Variants in FRMD4A observed in about 807,000 individuals in gnomAD.
FRMD4A encodes the protein FERM domain containing 4A, also known as FERM domain-containing protein 4A.
A neutral mutation model predicts 129.1 loss-of-function variants in FRMD4A; 29 were observed. The ratio of observed to expected loss-of-function variants is 0.22; its 90% CI spans 0.17 to 0.31. The LOEUF (loss-of-function observed/expected upper bound fraction) is 0.31. Among genes scored for constraint, FRMD4A ranks in the 10% least tolerant of loss-of-function variants. The pLI is 1.00. For missense variants in FRMD4A, 1,272 were observed against 1,375.8 expected, an observed-to-expected ratio of 0.92 and a Z score of 1.19; for synonymous variants, 634 against 571.6, an observed-to-expected ratio of 1.11 and a Z score of -1.56.
intron 2 of FRMD4A, among the ~76,000 whole-genome samples, chr10:13,890,203 C>T (rs1490331866): frequency 1.3e-5 from 2 of 152,228 alleles, no homozygotes; most frequent in Non-Finnish European, 2.9e-5. Flanking sequence ...TACGAATGGG[C>T]TTGATACAAT....
intron 2 of FRMD4A, among the ~76,000 whole-genome samples, chr10:14,189,764 C>T (rs1788355112): frequency 6.6e-6 from 1 of 152,174 alleles, no homozygotes; most frequent in South Asian, 2.1e-4. Context: ...AAACTTCTGA[C>T]TGCCACTGAA....
chr10:13,848,262 AAAC>A (rs1415242710), intron 3 of FRMD4A, among the ~76,000 whole-genome samples: 1 of 152,288 alleles, frequency 6.6e-6, no homozygotes, highest in Admixed American at 6.5e-5. Context: ...GTAGTAAAAG[AAAC>A]AACCACCTGC....
chr10:13,826,986 A>G (rs960063511), intron 3 of FRMD4A, among the ~76,000 whole-genome samples: 1 of 152,172 alleles, frequency 6.6e-6, no homozygotes, highest in South Asian at 2.1e-4. Flanking sequence ...TGAAAATATT[A>G]ATTTATTCTA....
At chr10:14,203,414 C>T (rs1431808290) in intron 2 of FRMD4A, among the ~76,000 whole-genome samples, 1 of 152,116 alleles carries the variant, frequency 6.6e-6, no homozygotes, top group Admixed American at 6.6e-5. Flanking sequence ...ACACTCATGA[C>T]AGGGCACATC....
chr10:14,039,364 GTCCGTCCA>G (rs1178110445), intron 2 of FRMD4A, among the ~76,000 whole-genome samples: 1 of 108,172 alleles, frequency 9.2e-6, no homozygotes, highest in African/African-American at 4.1e-5. Context: ...TGATCTGTCC[GTCCGTCCA>G]TCCATCCATC....
intron 2 of FRMD4A, among the ~76,000 whole-genome samples, chr10:14,234,610 G>A (rs1283639132): frequency 6.6e-6 from 1 of 152,222 alleles, no homozygotes; most frequent in Non-Finnish European, 1.5e-5. Context: ...AGTCTTCTGT[G>A]ACTATGGTCT....
chr10:14,073,833 A>C (rs1012185318), intron 2 of FRMD4A, among the ~76,000 whole-genome samples: 2 of 152,114 alleles, frequency 1.3e-5, no homozygotes, highest in African/African-American at 4.8e-5. Flanking sequence ...TAAATTTTGC[A>C]TAGGGCGGTG....
At chr10:14,171,214 C>G (rs773128869) in intron 2 of FRMD4A, among the ~76,000 whole-genome samples, 100 of 152,136 alleles carry the variant, frequency 6.6e-4, no homozygotes, top group Non-Finnish European at 1.2e-3. Context: ...CCTTCTCTCT[C>G]TCTCTTTTTT....
chr10:14,170,550 G>A (rs1589121009), intron 2 of FRMD4A, among the ~76,000 whole-genome samples: 1 of 152,138 alleles, frequency 6.6e-6, no homozygotes, highest in African/African-American at 2.4e-5. Flanking sequence ...ACCAACGCTG[G>A]GAAGTTAGGT....
At chr10:14,187,668 C>A (rs561621729) in intron 2 of FRMD4A, among the ~76,000 whole-genome samples, 3 of 152,254 alleles carry the variant, frequency 2.0e-5, no homozygotes, top group Admixed American at 6.5e-5. Context: ...GTGGTCCCAG[C>A]AACTTGGGAG....
intron 2 of FRMD4A, among the ~76,000 whole-genome samples, chr10:14,174,369 A>G (rs1841621722): frequency 6.6e-6 from 1 of 151,976 alleles, no homozygotes; most frequent in Non-Finnish European, 1.5e-5. Flanking sequence ...TTGACAAATG[A>G]TCTCTGTCTT....
intron 16 of FRMD4A, among the ~76,000 whole-genome samples, chr10:13,674,225 G>A (rs1278479471): frequency 1.3e-5 from 2 of 152,178 alleles, no homozygotes; most frequent in African/African-American, 4.8e-5. Context: ...CCAAAGACAA[G>A]TCTGAAATAC....
At chr10:14,304,913 C>G (rs1218479) in intron 2 of FRMD4A, among the ~76,000 whole-genome samples, 27,149 of 152,162 alleles carry the variant, frequency 0.18, 3,163 homozygotes, top group African/African-American at 0.33. Flanking sequence ...CTGTTTCCCA[C>G]AGTGGTCTGA....
chr10:13,753,229 G>A (rs1439850101), intron 8 of FRMD4A, among the ~76,000 whole-genome samples: 1 of 152,190 alleles, frequency 6.6e-6, no homozygotes, highest in Non-Finnish European at 1.5e-5. Context: ...CCAAGGTGAA[G>A]CTGAGGTTAC....
chr10:13,770,512 T>A (rs958752702), intron 6 of FRMD4A, among the ~76,000 whole-genome samples: 1 of 152,176 alleles, frequency 6.6e-6, no homozygotes, highest in Non-Finnish European at 1.5e-5. Flanking sequence ...GGCACCATCA[T>A]AGTTCACTGC....
intron 17 of FRMD4A, 53 bp downstream of exon 17, chr10:13,670,353 G>A (rs2083415249): frequency 1.3e-6 from 2 of 1,586,340 alleles, no homozygotes; most frequent in South Asian, 1.1e-5. Flanking sequence ...CCTGACCAAT[G>A]GGAAAAACAA....
intron 2 of FRMD4A, among the ~76,000 whole-genome samples, chr10:14,089,175 G>A (rs1441408440): frequency 1.3e-5 from 2 of 152,172 alleles, no homozygotes; most frequent in African/African-American, 4.8e-5. Flanking sequence ...GACTTTCCCA[G>A]CTAATGTTAC....
At chr10:13,751,309 C>T (rs1211668061) in intron 8 of FRMD4A, among the ~76,000 whole-genome samples, 1 of 152,176 alleles carries the variant, frequency 6.6e-6, no homozygotes, top group Non-Finnish European at 1.5e-5. Context: ...CAAGGTTACA[C>T]ACAAAAAAAT....
chr10:13,911,400 C>G (rs1039815228), intron 2 of FRMD4A, among the ~76,000 whole-genome samples: 2 of 152,154 alleles, frequency 1.3e-5, no homozygotes, highest in Non-Finnish European at 2.9e-5. Context: ...CCTCCATTAT[C>G]TCACTTCACT....
Sources: gnomAD v4.1 joint callset for allele counts (sites outside exome capture counted in the v4.1 genomes callset) on GRCh38, gnomAD v4.1.1 for gene constraint, MANE v1.5 for transcripts, NCBI Gene and HGNC (gene_info 2026-07-23, HGNC 2026-07-21) for gene names.